RNF130: variants seen among roughly 807,000 people sequenced by gnomAD.
RNF130 encodes the protein E3 ubiquitin-protein ligase RNF130.
Under a neutral mutation model 44.6 loss-of-function variants are expected in RNF130, and 21 were observed. The ratio of observed to expected loss-of-function variants is 0.47; its 90% CI spans 0.33 to 0.68. The LOEUF (loss-of-function observed/expected upper bound fraction) is 0.68. Among genes scored for constraint, RNF130 ranks in the 30% least tolerant of loss-of-function variants. RNF130 has a pLI of 0.02. For missense variants in RNF130, 479 were observed against 560.6 expected (o/e 0.85, Z 1.47); for synonymous variants, 214 against 210.4 (o/e 1.02, Z -0.15).
chr5:180,000,565 T>C (rs1403908352), intron 3 of RNF130, among the ~76,000 whole-genome samples: 1 of 152,142 alleles, frequency 6.6e-6, no homozygotes, highest in Admixed American at 6.6e-5. Flanking sequence ...TTTGTAGGCG[T>C]TCTTCATTAT....
chr5:180,041,520 T>C (rs1561703710), intron 1 of RNF130, among the ~76,000 whole-genome samples: 2 of 149,260 alleles, frequency 1.3e-5, no homozygotes, highest in South Asian at 2.1e-4. Context: ...TGGCATCCTC[T>C]GCAAATCTTA....
chr5:179,990,657 A>ACCATGGTCCGCTTGGTAATGGGCGTCTTC (rs1763059511), intron 3 of RNF130, among the ~76,000 whole-genome samples: 3 of 152,152 alleles, frequency 2.0e-5, no homozygotes, highest in Admixed American at 2.0e-4. Flanking sequence ...CTACCGCTAG[A>ACCATGGTCCGCTTGGTAATGGGCGTCTTC]CCATGGTCCG....
intron 3 of RNF130, among the ~76,000 whole-genome samples, chr5:179,996,750 C>T (rs577884142): frequency 1.3e-5 from 2 of 152,334 alleles, no homozygotes; most frequent in South Asian, 4.1e-4. Flanking sequence ...TTATGTTCAT[C>T]AAGGATACTT....
intron 1 of RNF130, among the ~76,000 whole-genome samples, chr5:180,057,311 G>A (rs989587577): frequency 6.6e-6 from 1 of 152,224 alleles, no homozygotes; most frequent in Non-Finnish European, 1.5e-5. Context: ...CACTTTGGGA[G>A]GCCGAGGCGG....
At chr5:180,065,837 C>CT (rs912259442) in intron 1 of RNF130, among the ~76,000 whole-genome samples, 5 of 151,436 alleles carry the variant, frequency 3.3e-5, no homozygotes, top group African/African-American at 1.2e-4. Flanking sequence ...TAGTTTCTCT[C>CT]TTTTTTTAAT....
At chr5:180,058,000 T>C (rs10051632) in intron 1 of RNF130, among the ~76,000 whole-genome samples, 105,589 of 152,098 alleles carry the variant, frequency 0.69, 37,056 homozygotes, top group African/African-American at 0.79. Flanking sequence ...AGTGTCAGAA[T>C]TGAATTAAAC....
chr5:180,037,311 G>A (rs866040076), intron 2 of RNF130, among the ~76,000 whole-genome samples: 13 of 152,308 alleles, frequency 8.5e-5, no homozygotes, highest in East Asian at 1.9e-4. Context: ...AAATCTGCCC[G>A]CTGGCTCTCA....
chr5:180,010,599 A>G (rs1486723226), intron 3 of RNF130, among the ~76,000 whole-genome samples: 1 of 152,118 alleles, frequency 6.6e-6, no homozygotes, highest in African/African-American at 2.4e-5. Context: ...ACCTCAAGTG[A>G]TCCACCTGCC....
At chr5:180,001,248 C>T (rs1249277484) in intron 3 of RNF130, among the ~76,000 whole-genome samples, 2 of 152,062 alleles carry the variant, frequency 1.3e-5, no homozygotes, top group Non-Finnish European at 2.9e-5. Flanking sequence ...TCTTGCTTTC[C>T]CCACAATGAG....
At chr5:179,920,012 C>A (rs1025136824) in exon 8 of RNF130, 5 of 320,110 alleles carry the variant, frequency 1.6e-5, no homozygotes, top group African/African-American at 2.1e-5. Flanking sequence ...AGAGATGCGT[C>A]TGCAATGCAA....
chr5:180,034,118 G>A (rs1344020135), intron 2 of RNF130, among the ~76,000 whole-genome samples: 1 of 149,854 alleles, frequency 6.7e-6, no homozygotes, highest in Non-Finnish European at 1.5e-5. Context: ...ATCATGATGG[G>A]TACTGAGATT....
At chr5:179,978,498 TA>T (rs1762764765) in intron 4 of RNF130, among the ~76,000 whole-genome samples, 1 of 152,242 alleles carries the variant, frequency 6.6e-6, no homozygotes, top group Non-Finnish European at 1.5e-5. Flanking sequence ...TATAACAATC[TA>T]TATTAATTTT....
intron 2 of RNF130, among the ~76,000 whole-genome samples, chr5:180,037,365 T>C (rs369870560): frequency 6.6e-6 from 1 of 152,168 alleles, no homozygotes; most frequent in Non-Finnish European, 1.5e-5. Flanking sequence ...ACAGCAGTTG[T>C]GCTCCACCGT....
At chr5:180,059,368 T>C (rs1764917599) in intron 1 of RNF130, among the ~76,000 whole-genome samples, 1 of 152,208 alleles carries the variant, frequency 6.6e-6, no homozygotes, top group Non-Finnish European at 1.5e-5. Flanking sequence ...ATAATCGTGT[T>C]ATGACCTGTG....
intron 7 of RNF130, among the ~76,000 whole-genome samples, chr5:179,934,355 G>A (rs1761856990): frequency 6.6e-6 from 1 of 151,888 alleles, no homozygotes; most frequent in East Asian, 1.9e-4. Context: ...CCTGGTAATC[G>A]CTCCTCTGCA....
chr5:180,040,009 T>C (rs1416470129), intron 2 of RNF130, among the ~76,000 whole-genome samples: 6 of 152,230 alleles, frequency 3.9e-5, no homozygotes, highest in Non-Finnish European at 8.8e-5. Flanking sequence ...ATATCCTAAA[T>C]GCTTCCAGAA....
chr5:180,022,158 C>T (rs1280612727), intron 2 of RNF130, among the ~76,000 whole-genome samples: 1 of 152,158 alleles, frequency 6.6e-6, no homozygotes, highest in Non-Finnish European at 1.5e-5. Flanking sequence ...TAGTAAAGTT[C>T]ACTTTGATAA....
intron 3 of RNF130, among the ~76,000 whole-genome samples, chr5:180,006,106 C>T (rs1329638586): frequency 6.6e-6 from 1 of 152,078 alleles, no homozygotes; most frequent in Non-Finnish European, 1.5e-5. Context: ...AAGATAATAA[C>T]TTCTCAGCTC....
intron 7 of RNF130, among the ~76,000 whole-genome samples, chr5:179,933,601 A>G (rs1035579546): frequency 2.7e-5 from 4 of 146,368 alleles, no homozygotes; most frequent in Non-Finnish European, 1.5e-5. Context: ...GGCTCACTGC[A>G]CTCTTGACTT....
Sources: allele counts gnomAD v4.1 joint callset (sites outside exome capture counted in the v4.1 genomes callset), GRCh38; gene constraint gnomAD v4.1.1; transcripts MANE v1.5; gene names NCBI Gene and HGNC (gene_info 2026-07-23, HGNC 2026-07-21).